WDR75: variants seen among roughly 807,000 people sequenced by gnomAD.
WDR75 encodes WD repeat-containing protein 75.
A neutral mutation model predicts 106.1 loss-of-function variants in WDR75; 52 were observed. That is an observed-to-expected ratio of 0.49 (90% confidence interval 0.39 to 0.62). The LOEUF (loss-of-function observed/expected upper bound fraction) is 0.62, where lower values mean the gene tolerates loss of function less well. Ranked by LOEUF, WDR75 falls within the 20% of genes least tolerant of loss-of-function variation. WDR75 has a pLI of 0.00. For missense variants in WDR75, 905 were observed against 970.3 expected (o/e 0.93, Z 0.89); for synonymous variants, 333 against 335.5 (o/e 0.99, Z 0.08).
At chr2:189,469,574 GC>G in intron 16 of WDR75, 135 bp downstream of exon 16, 1 of 661,366 alleles carries the variant, frequency 1.5e-6, no homozygotes, top group Non-Finnish European at 2.6e-6. Context: ...GCCCTTCTTT[GC>G]CCCAACACTT....
chr2:189,458,727 G>T, intron 6 of WDR75, 26 bp from the exon 7 acceptor site: 1 of 1,517,334 alleles, frequency 6.6e-7, no homozygotes, highest in South Asian at 1.3e-5. Flanking sequence ...TAATAATTAA[G>T]GGAATTTGTT....
At chr2:189,462,781 C>T in intron 9 of WDR75, 139 bp downstream of exon 9, 2 of 727,866 alleles carry the variant, frequency 2.7e-6, no homozygotes, top group East Asian at 2.7e-5. Context: ...TTGCATTACT[C>T]CTCTCTTTTC....
intron 2 of WDR75, chr2:189,449,115 T>C (rs1992295): frequency 0.87 from 492,959 of 569,184 alleles, 216,327 homozygotes; most frequent in Non-Finnish European, 0.91. Context: ...CCTTCTTTCT[T>C]AGTATTTAAG....
intron 18 of WDR75, among the ~76,000 whole-genome samples, chr2:189,472,088 C>T (rs995834574): frequency 2.0e-5 from 3 of 152,068 alleles, no homozygotes; most frequent in African/African-American, 7.2e-5. Context: ...TTACTGTACG[C>T]CAGGGACCAT....
At chr2:189,461,968 A>T (rs765355187) in intron 8 of WDR75, among the ~76,000 whole-genome samples, 17 of 152,192 alleles carry the variant, frequency 1.1e-4, no homozygotes, top group Non-Finnish European at 2.2e-4. Flanking sequence ...TTCTGCATCT[A>T]TTCAAATAAT....
chr2:189,467,780 G>A (rs1248883704), intron 14 of WDR75, 132 bp downstream of exon 14: 6 of 799,890 alleles, frequency 7.5e-6, no homozygotes, highest in Non-Finnish European at 9.0e-6. Context: ...TAATCAAAAT[G>A]CTGGAAAGCC....
intron 5 of WDR75, among the ~76,000 whole-genome samples, 160 bp from the exon 6 acceptor site, chr2:189,457,151 G>C (rs1490944641): frequency 1.3e-5 from 2 of 151,638 alleles, no homozygotes; most frequent in African/African-American, 4.9e-5. Flanking sequence ...TGAAGCAGGA[G>C]AATCACTTGA....
intron 11 of WDR75, chr2:189,464,172 G>A: frequency 1.8e-6 from 1 of 542,802 alleles, no homozygotes; most frequent in South Asian, 2.5e-5. Flanking sequence ...TGGCACTCCT[G>A]TACGTGCTGT....
chr2:189,470,966 C>T (rs1687107809), intron 18 of WDR75, 88 bp downstream of exon 18: 1 of 1,004,996 alleles, frequency 1.0e-6, no homozygotes, highest in East Asian at 2.8e-5. Flanking sequence ...AAAAATATTT[C>T]ACTTGGCCCT....
At chr2:189,456,644 A>T (rs146137453) in intron 5 of WDR75, among the ~76,000 whole-genome samples, 169 of 152,162 alleles carry the variant, frequency 1.1e-3, no homozygotes, top group African/African-American at 3.7e-3. Flanking sequence ...GTAAAGAGGG[A>T]GGAGGGGGCA....
Position 189,475,310 on chromosome 2 carries a change from A to T in WDR75, c.2386A>T (p.Ser796Cys). The T allele has an allele frequency of 6.2e-7, 1 of 1,612,806 alleles. No homozygotes were observed. The highest frequency in any genetic ancestry group is 8.5e-7 in the Non-Finnish European group (1 of 1,179,094). The stretch of plus-strand genomic sequence containing the variant: ...TTTTACCGAAAAAGTCCAGGATACA[A>T]GTAACACAGGTTTAGGAGAAGACAT... Reference protein sequence around the residue: ...NDFTEKVQDTSNTGLGEDIIH... With the variant: ...NDFTEKVQDTCNTGLGEDIIH... Residue 796 changes from serine to cysteine, a missense_variant, in exon 21 of 21, where the codon AGT (serine) becomes TGT (cysteine). Physicochemically the swap from Ser to Cys is moderately radical, Grantham distance 112 (BLOSUM62 -1). Transcript: ENST00000314761.
chr2:189,448,865 C>A (rs1481452878), intron 2 of WDR75: 1 of 474,250 alleles, frequency 2.1e-6, no homozygotes, highest in Non-Finnish European at 4.4e-6. Flanking sequence ...CTCAAACTTA[C>A]TTGACTTGTG....
chr2:189,460,717 C>T (rs1686862117), intron 8 of WDR75, among the ~76,000 whole-genome samples: 1 of 152,094 alleles, frequency 6.6e-6, no homozygotes, highest in Non-Finnish European at 1.5e-5. Context: ...TGTTGCCAGG[C>T]TGGTCTCAAA....
chr2:189,458,957 A>C, intron 7 of WDR75, 85 bp downstream of exon 7: 1 of 1,396,940 alleles, frequency 7.2e-7, no homozygotes, highest in Non-Finnish European at 9.4e-7. Flanking sequence ...CTGGGTCCCA[A>C]GAAACAGCCT....
intron 2 of WDR75, chr2:189,450,243 A>T (rs767755738): frequency 1.2e-5 from 12 of 985,506 alleles, no homozygotes; most frequent in Non-Finnish European, 1.4e-5. Flanking sequence ...TCACTTGAGA[A>T]GCACTCCCTT....
intron 9 of WDR75, among the ~76,000 whole-genome samples, chr2:189,462,942 G>T (rs1686927745): frequency 6.6e-6 from 1 of 152,164 alleles, no homozygotes; most frequent in African/African-American, 2.4e-5. Context: ...TAAAGGGAAG[G>T]TTTGGAAGTG....
rs746319982 is a variant in WDR75 at position 189,466,436 on chromosome 2, A to T, written c.1301A>T (p.Asn434Ile). 4.0e-5 allele frequency: 65 copies of T among 1,612,646 alleles called. No homozygotes were observed. The highest frequency in any genetic ancestry group is 5.4e-5 in the Non-Finnish European group (64 of 1,179,134). Residue 434 changes from asparagine to isoleucine, a missense_variant, in exon 13 of 21, where the codon AAC (asparagine) becomes ATC (isoleucine). Transcript: ENST00000314761. ...YNKKTQGFIL[N>I]TKINMPHEDC... ...TTCCTTCCCGCTAGGTTTATTCTTA[A>T]CACTAAAATTAACATGCCACACGAA...
At position 189,450,920 on chromosome 2, in the gene WDR75, T is replaced by TA; in HGVS notation, c.234_235insA (p.Asp79ArgfsTer5). 1 of 1,611,288 alleles carries TA rather than the reference T, an allele frequency of 6.2e-7. No individual in the cohort carries two copies. Among genetic ancestry groups the TA allele is most frequent in the Non-Finnish European group, 8.5e-7 (1 of 1,179,320 alleles). Reference sequence around the variant, plus strand: ...CCTTTTAGCTGTATTCTTGTTCCCTTGATGGCACAATTAAACTGTGGGACT... The same window carrying TA: ...CCTTTTAGCTGTATTCTTGTTCCCTTAGATGGCACAATTAAACTGTGGGACT... On this transcript the variant is annotated frameshift_variant, in exon 3 of 21. Transcript: ENST00000314761. LOFTEE classifies it high-confidence loss of function.
intron 2 of WDR75, chr2:189,449,779 T>C: frequency 1.0e-6 from 1 of 984,406 alleles, no homozygotes; most frequent in Non-Finnish European, 1.2e-6. Flanking sequence ...AATTTCCTAG[T>C]TTGTATAATT....
Sources: allele counts gnomAD v4.1 joint callset (sites outside exome capture counted in the v4.1 genomes callset), GRCh38; gene constraint gnomAD v4.1.1; transcripts MANE v1.5; gene names NCBI Gene and HGNC (gene_info 2026-07-23, HGNC 2026-07-21).